ZFTA: variants seen among roughly 807,000 people sequenced by gnomAD.
ZFTA encodes the protein zinc finger translocation associated.
In ZFTA, 35 loss-of-function variants were observed where a neutral mutation model predicts 41.8. The observed-to-expected ratio is 0.84, with a 90% CI of 0.64 to 1.11. The LOEUF (loss-of-function observed/expected upper bound fraction) is 1.11, where lower values mean the gene tolerates loss of function less well. Ranked by LOEUF, ZFTA falls within the 50% of genes most tolerant of loss-of-function variation. ZFTA has a pLI of 0.00. For missense variants in ZFTA, 964 were observed against 989.8 expected, an observed-to-expected ratio of 0.97 and a Z score of 0.35; for synonymous variants, 514 against 436.4, an observed-to-expected ratio of 1.18 and a Z score of -2.22.
rs897021105 is a variant in ZFTA, at chr11:63,763,409, G to A, written c.*9C>T. On this transcript the variant is annotated 3_prime_UTR_variant, in exon 5 of 5. Transcript: ENST00000433688. The stretch of plus-strand genomic sequence containing the variant: ...CCGACCCGACCTGACCCGGGGGCCC[G>A]CTAGGCCGCTACGCCCGACACACAG... The A allele has an allele frequency of 2.6e-5, 33 of 1,292,654 alleles. No individual in the cohort carries two copies. Among genetic ancestry groups the A allele is most frequent in the Non-Finnish European group, 3.2e-5 (33 of 1,018,216 alleles). 80.1% of individuals were successfully genotyped at this position (1,292,654 alleles called of 1,614,324 possible).
At chr11:63,768,102 G>A (rs1019164801) in intron 1 of ZFTA, among the ~76,000 whole-genome samples, 1 of 152,152 alleles carries the variant, frequency 6.6e-6, no homozygotes, top group African/African-American at 2.4e-5. Flanking sequence ...GGGTCTGGGC[G>A]GACTTTTGAG....
intron 1 of ZFTA, 35 bp downstream of exon 1, chr11:63,768,449 G>C: frequency 1.8e-6 from 2 of 1,095,198 alleles, no homozygotes; most frequent in Non-Finnish European, 1.1e-6. Flanking sequence ...CCCCACGCCG[G>C]GGCCCCCGCC....
chr11:63,763,904 G>C, intron 4 of ZFTA, 35 bp from the exon 5 acceptor site: 2 of 1,404,206 alleles, frequency 1.4e-6, no homozygotes, highest in Non-Finnish European at 1.9e-6. Flanking sequence ...TGGCGACGGC[G>C]GGGGGCAGCG....
rs919413328 is a variant in ZFTA at position 63,762,754 on chromosome 11, GT to G, written c.*663del. The G allele has an allele frequency of 1.8e-4, 27 of 152,428 alleles. No individual in the cohort carries two copies. The highest frequency in any genetic ancestry group is 6.5e-4 in the African/African-American group (27 of 41,572). The allele number at this position is 152,428 out of a possible 1,614,324, so 9.4% of individuals were successfully genotyped here. A position where few individuals can be genotyped will look rare whatever the true frequency, so the allele number is the denominator to read the frequency against. On this transcript the variant is annotated 3_prime_UTR_variant, in exon 5 of 5. Transcript: ENST00000433688. The stretch of plus-strand genomic sequence containing the variant: ...GGTTCTCACTGAGCCTGCCGGGGAG[GT>G]AAGCGCAGCTGGTCCAGCCCGGGCC...
At chr11:63,766,407 T>A (rs1338026350) in intron 1 of ZFTA, 103 bp from the exon 2 acceptor site, 2 of 1,321,738 alleles carry the variant, frequency 1.5e-6, no homozygotes, top group Non-Finnish European at 2.0e-6. Context: ...GGGGAGGGGG[T>A]GTTCCGGGGC....
chr11:63,763,368 G>T lies in ZFTA; in HGVS notation c.*50C>A. 8.5e-7 allele frequency: 1 copy of T among 1,183,372 alleles called. No homozygotes were observed. 73.3% of individuals were successfully genotyped at this position (1,183,372 alleles called of 1,614,324 possible). On this transcript the variant is annotated 3_prime_UTR_variant, in exon 5 of 5. Coordinates refer to ENST00000433688, the MANE Select transcript of ZFTA (RefSeq NM_001144936.2). ...AAGGGCCGGGCGAGCACAGGGCGGG[G>T]CGGGGCCGATCCGACCCGACCCGAC... is the stretch of plus-strand genomic sequence containing the variant.
Position 63,762,339 on chromosome 11 carries a change from AAAG to A in ZFTA, c.*1076_*1078del, listed in dbSNP as rs1326247302. On this transcript the variant is annotated 3_prime_UTR_variant, in exon 5 of 5. Transcript: ENST00000433688. ...TTCAAAATAAAATACAAAGAGCAAA[AAAG>A]GGCCTGATCTCGGGGCCACCTGTTC... 6.6e-6 allele frequency: 1 copy of A among 152,250 alleles called. No homozygotes were observed. The highest frequency in any genetic ancestry group is 1.5e-5 in the Non-Finnish European group (1 of 68,068). 9.4% of individuals were successfully genotyped at this position (152,250 alleles called of 1,614,324 possible). A position where few individuals can be genotyped will look rare whatever the true frequency, so the allele number is the denominator to read the frequency against.
rs2014789299 is a variant in ZFTA, at chr11:63,768,692, G to A, written c.-70C>T. 8 of 759,416 alleles carry A rather than the reference G, an allele frequency of 1.1e-5. No homozygotes were observed. The highest frequency in any genetic ancestry group is 1.1e-5 in the Non-Finnish European group (7 of 627,894). The allele number at this position is 759,416 out of a possible 1,614,324, so 47.0% of individuals were successfully genotyped here. On this transcript the variant is annotated 5_prime_UTR_variant, in exon 1 of 5. Transcript: ENST00000433688. ...CCGCGGGGCCGGCGGCAGCCCGCGC[G>A]GAGCGCTCGCTGCGCGGGGCCCCGG... is the stretch of plus-strand genomic sequence containing the variant.
chr11:63,764,561 G>C lies in ZFTA; in HGVS notation c.1062C>G (p.Ser354Arg). ...DLAPQDLTGK[S>R]RDSASAAGAP... The stretch of plus-strand genomic sequence containing the variant: ...CTCCAGCAGCGGAGGCCGAGTCCCG[G>C]CTCTTTCCGGTCAGGTCCTGGGGGG... Residue 354 changes from serine to arginine, a missense_variant, in exon 4 of 5, where the codon AGC becomes AGG. Ser to Arg is a moderately radical substitution (Grantham distance 110, BLOSUM62 -1). This residue lies in a region of ZFTA where 584 missense variants were observed against 523.1 expected (regional missense o/e 1.12). Coordinates refer to ENST00000433688, the MANE Select transcript of ZFTA (RefSeq NM_001144936.2). The C allele has an allele frequency of 1.6e-6, 2 of 1,254,582 alleles. No individual in the cohort carries two copies. Among genetic ancestry groups the C allele is most frequent in the Non-Finnish European group, 2.0e-6 (2 of 995,052 alleles). The allele number at this position is 1,254,582 out of a possible 1,614,324, so 77.7% of individuals were successfully genotyped here. A position where few individuals can be genotyped will look rare whatever the true frequency, so the allele number is the denominator to read the frequency against.
Position 63,763,260 on chromosome 11 carries a change from GA to G in ZFTA, c.*157del. ...CGCGCAGACGCCGGTGGCCCCACCC[GA>G]TCCCCCGTCTCCGCCCGGCCCGGCC... On this transcript the variant is annotated 3_prime_UTR_variant, in exon 5 of 5. Coordinates refer to ENST00000433688, the MANE Select transcript of ZFTA (RefSeq NM_001144936.2). The G allele has an allele frequency of 2.6e-6, 1 of 387,378 alleles. No homozygotes were observed. The highest frequency in any genetic ancestry group is 5.7e-5 in the Admixed American group (1 of 17,544). 24.0% of individuals were successfully genotyped at this position (387,378 alleles called of 1,614,324 possible).
At chr11:63,768,151 G>A (rs2014776665) in intron 1 of ZFTA, among the ~76,000 whole-genome samples, 1 of 152,072 alleles carries the variant, frequency 6.6e-6, no homozygotes, top group Admixed American at 6.5e-5. Context: ...GAGTCTGAAA[G>A]AGAAAGGGGC....
In ZFTA at chr11:63,765,319, G is replaced by GTCTC. The variant is rs1391506633; in HGVS notation, c.638-69_638-66dup. The GTCTC allele has an allele frequency of 7.1e-7, 1 of 1,401,070 alleles. No homozygotes were observed. Among genetic ancestry groups the GTCTC allele is most frequent in the East Asian group, 2.7e-5 (1 of 37,106 alleles). The allele number at this position is 1,401,070 out of a possible 1,614,324, so 86.8% of individuals were successfully genotyped here. A position where few individuals can be genotyped will look rare whatever the true frequency, so the allele number is the denominator to read the frequency against. ...ACGGGAGCATACCCACTACAGCCAG[G>GTCTC]TCTCCCACAAGCCTCTCACTCACTT... On this transcript the variant is annotated intron_variant, in intron 2 of 4. Coordinates refer to ENST00000433688, the MANE Select transcript of ZFTA (RefSeq NM_001144936.2). The surrounding 1 kb of genome is among the most constrained non-coding windows in gnomAD (Gnocchi z 4.0).
At chr11:63,766,593 T>A (rs2014750060) in intron 1 of ZFTA, among the ~76,000 whole-genome samples, 1 of 152,126 alleles carries the variant, frequency 6.6e-6, no homozygotes, top group African/African-American at 2.4e-5. Flanking sequence ...GCCAACCAGC[T>A]CTGTAAGGTG....
rs1185149004 is a variant in ZFTA at position 63,764,884 on chromosome 11, G to A, written c.1008C>T (p.Leu336=). The A allele has an allele frequency of 6.6e-7, 1 of 1,510,984 alleles. No homozygotes were observed. The highest frequency in any genetic ancestry group is 1.3e-5 in the South Asian group (1 of 79,308). 93.6% of individuals were successfully genotyped at this position (1,510,984 alleles called of 1,614,324 possible). The change falls in exon 3 of 5, where the codon CTC becomes CTT. Residue 336 remains leucine (L), a synonymous_variant. Coordinates refer to ENST00000433688, the MANE Select transcript of ZFTA (RefSeq NM_001144936.2). ...GCCTCGCACCTGGTGGGGACTGGGT[G>A]AGCTCAGACAGCGCCTCGGGCTGGC... is the stretch of plus-strand genomic sequence containing the variant. ...WGGQPEALSE[L]TQSPPGDDLA...
Position 63,765,230 on chromosome 11 carries a change from C to T in ZFTA, c.662G>A (p.Cys221Tyr). Reference protein sequence around the residue: ...GPGKAPAGGGCRRQRRGGPVA... With the variant: ...GPGKAPAGGGYRRQRRGGPVA... The stretch of plus-strand genomic sequence containing the variant: ...TGGGCCCCCTCGCCGCTGGCGCCGG[C>T]AGCCCCCACCAGCTGGGGCTTTGCC... The change falls in exon 3 of 5, where the codon TGC (cysteine) becomes TAC (tyrosine). Residue 221 changes from cysteine (C) to tyrosine (Y), a missense_variant. This residue lies in a region of ZFTA where 141 missense variants were observed against 216.7 expected (regional missense o/e 0.65). Coordinates refer to ENST00000433688, the MANE Select transcript of ZFTA (RefSeq NM_001144936.2). This position sits in a 1 kb window ranked among gnomAD's most constrained non-coding sequence, Gnocchi z 4.0. 6.9e-7 allele frequency: 1 copy of T among 1,456,956 alleles called. No homozygotes were observed. Among genetic ancestry groups the T allele is most frequent in the Non-Finnish European group, 9.0e-7 (1 of 1,111,342 alleles). 90.3% of individuals were successfully genotyped at this position (1,456,956 alleles called of 1,614,324 possible). A position where few individuals can be genotyped will look rare whatever the true frequency, so the allele number is the denominator to read the frequency against.
At position 63,760,141 on chromosome 11, in the gene ZFTA, A is replaced by AGGG. The variant is rs1491151770; in HGVS notation, c.*3274_*3276dup. 6.6e-6 allele frequency: 1 copy of AGGG among 152,218 alleles called. No homozygotes were observed. Among genetic ancestry groups the AGGG allele is most frequent in the Non-Finnish European group, 1.5e-5 (1 of 68,032 alleles). 9.4% of individuals were successfully genotyped at this position (152,218 alleles called of 1,614,324 possible). On this transcript the variant is annotated 3_prime_UTR_variant, in exon 5 of 5. Coordinates refer to ENST00000433688, the MANE Select transcript of ZFTA (RefSeq NM_001144936.2). Reference sequence around the variant, plus strand: ...GACCTTAGAAGAATGAGGAGGGGTCAGGGGGTCTTTTACCCCAGTTCAGCC... The same window carrying AGGG: ...GACCTTAGAAGAATGAGGAGGGGTCAGGGGGGGGTCTTTTACCCCAGTTCAGCC...
Position 63,764,364 on chromosome 11 carries a change from TC to T in ZFTA, c.1258del (p.Glu420SerfsTer32). The T allele has an allele frequency of 7.6e-7, 1 of 1,314,602 alleles. No homozygotes were observed. Among genetic ancestry groups the T allele is most frequent in the Non-Finnish European group, 9.7e-7 (1 of 1,035,696 alleles). The allele number at this position is 1,314,602 out of a possible 1,614,324, so 81.4% of individuals were successfully genotyped here. A position where few individuals can be genotyped will look rare whatever the true frequency, so the allele number is the denominator to read the frequency against. ...CATGAGGTACTCCAGCCGCCAGCGC[TC>T]CTGGGGGTGGCGGCGGTGGGCGCGG... is the stretch of plus-strand genomic sequence containing the variant. Reference protein sequence around the residue: ...RGRAHRRHPQERWRLEYLMEL... With the variant: ...RGRAHRRHPQXRWRLEYLMEL... On this transcript the variant is annotated frameshift_variant, in exon 4 of 5. Transcript: ENST00000433688. LOFTEE classifies it high-confidence loss of function.
chr11:63,763,491 C>G lies in ZFTA; in HGVS notation c.1964G>C (p.Gly655Ala), dbSNP rs1446883272. 6.6e-7 allele frequency: 1 copy of G among 1,526,002 alleles called. No homozygotes were observed. The highest frequency in any genetic ancestry group is 1.4e-5 in the African/African-American group (1 of 70,700). 94.5% of individuals were successfully genotyped at this position (1,526,002 alleles called of 1,614,324 possible). The change falls in exon 5 of 5, where the codon GGC (glycine) becomes GCC (alanine). Residue 655 changes from glycine to alanine, a missense_variant. Coordinates refer to ENST00000433688, the MANE Select transcript of ZFTA (RefSeq NM_001144936.2). Reference protein sequence around the residue: ...EAALRCYGHEGFGPPAPAPRD... With the variant: ...EAALRCYGHEAFGPPAPAPRD... ...CGGCGCCGGGGCGGGCGGCCCGAAG[C>G]CCTCGTGGCCGTAGCAGCGCAGCGC...
At position 63,763,392 on chromosome 11, in the gene ZFTA, ACCTGACCCGG is replaced by A; in HGVS notation, c.*16_*25del. 2 of 1,265,208 alleles carry A rather than the reference ACCTGACCCGG, an allele frequency of 1.6e-6. No individual in the cohort carries two copies. The highest frequency in any genetic ancestry group is 2.0e-6 in the Non-Finnish European group (2 of 1,001,926). The allele number at this position is 1,265,208 out of a possible 1,614,324, so 78.4% of individuals were successfully genotyped here. On this transcript the variant is annotated 3_prime_UTR_variant, in exon 5 of 5. Coordinates refer to ENST00000433688, the MANE Select transcript of ZFTA (RefSeq NM_001144936.2). The stretch of plus-strand genomic sequence containing the variant: ...GGCGGGGCCGATCCGACCCGACCCG[ACCTGACCCGG>A]GGGCCCGCTAGGCCGCTACGCCCGA...
Sources: gnomAD v4.1 joint callset for allele counts (sites outside exome capture counted in the v4.1 genomes callset) on GRCh38, gnomAD v4.1.1 for gene constraint, gnomAD v4.1.1 regional missense constraint, Gnocchi (gnomAD v3.1) non-coding constraint, MANE v1.5 for transcripts, NCBI Gene and HGNC (gene_info 2026-07-23, HGNC 2026-07-21) for gene names.